Variants in TOP2B observed in about 807,000 individuals in gnomAD.
TOP2B encodes the protein DNA topoisomerase II beta.
Under a neutral mutation model 193.5 loss-of-function variants are expected in TOP2B, and 51 were observed. That is an observed-to-expected ratio of 0.26 (90% confidence interval 0.21 to 0.33). The LOEUF (loss-of-function observed/expected upper bound fraction) is 0.33. Among genes scored for constraint, TOP2B ranks in the 10% least tolerant of loss-of-function variants. The pLI is 1.00. For missense variants in TOP2B, 1,378 were observed against 1,909.3 expected (o/e 0.72, Z 5.19); for synonymous variants, 634 against 635.7 (o/e 1.00, Z 0.04).
rs758411041 is a variant in TOP2B at position 25,636,085 on chromosome 3, A to G, written c.703T>C (p.Tyr235His). 5 of 1,611,982 alleles carry G rather than the reference A, an allele frequency of 3.1e-6. No homozygotes were observed. The highest frequency in any genetic ancestry group is 4.2e-6 in the Non-Finnish European group (5 of 1,178,854). Residue 235 changes from tyrosine (Y) to histidine (H), a missense_variant, in exon 7 of 36, where the codon TAC becomes CAC. Coordinates refer to ENST00000264331, the MANE Select transcript of TOP2B (RefSeq NM_001330700.2). Reference sequence around the variant, plus strand: ...TCTGGTTGGAATGTTATGCATGTGTAATCTTCACCATCAAAATGTTTAATT... The same window carrying G: ...TCTGGTTGGAATGTTATGCATGTGTGATCTTCACCATCAAAATGTTTAATT... ...AKIKHFDGED[Y>H]TCITFQPDLS...
In TOP2B at chr3:25,664,528, G is replaced by A. The variant is rs2125417463; in HGVS notation, c.-231C>T. ...GAGGCGCGGCGTCCGCGTCGCCCGG[G>A]CCTAGCGCGGCGGCTGAGGAGAAAG... On this transcript the variant is annotated 5_prime_UTR_variant, in exon 1 of 36. Transcript: ENST00000264331. The A allele has an allele frequency of 2.6e-6, 3 of 1,146,278 alleles. No homozygotes were observed. The highest frequency in any genetic ancestry group is 3.2e-6 in the Non-Finnish European group (3 of 934,038). 71.0% of individuals were successfully genotyped at this position (1,146,278 alleles called of 1,614,324 possible).
intron 30 of TOP2B, among the ~76,000 whole-genome samples, chr3:25,608,594 G>C (rs904606401): frequency 6.6e-6 from 1 of 151,958 alleles, no homozygotes; most frequent in Non-Finnish European, 1.5e-5. Context: ...AATAAATTAG[G>C]ACAAATTTTC....
intron 34 of TOP2B, 92 bp downstream of exon 34, chr3:25,601,008 A>T (rs1159163604): frequency 7.3e-7 from 1 of 1,371,608 alleles, no homozygotes; most frequent in Non-Finnish European, 9.9e-7. Flanking sequence ...AACAAAATAG[A>T]TACCTAGCCT....
chr3:25,622,971 TTTCC>T (rs1702700266), intron 21 of TOP2B, among the ~76,000 whole-genome samples: 1 of 152,092 alleles, frequency 6.6e-6, no homozygotes, highest in Non-Finnish European at 1.5e-5. Context: ...AGAGATGGAG[TTTCC>T]CCATGTTGGT....
At chr3:25,657,160 T>C (rs956586624) in intron 1 of TOP2B, among the ~76,000 whole-genome samples, 1 of 152,218 alleles carries the variant, frequency 6.6e-6, no homozygotes, top group Non-Finnish European at 1.5e-5. Flanking sequence ...CTGAGACTTT[T>C]ATATGTTTTT....
At position 25,609,300 on chromosome 3, in the gene TOP2B, C is replaced by T. The variant is rs1365192265; in HGVS notation, c.3976G>A (p.Ala1326Thr). 4 of 1,599,340 alleles carry T rather than the reference C, an allele frequency of 2.5e-6. No individual in the cohort carries two copies. The East Asian group carries it at 6.7e-5, about 27-fold the overall frequency. Reference sequence around the variant, plus strand: ...GGATTCCGTTTCTTCACTTTCTTTGCACTAGGTTTACCAGATGATGTAGGT... The same window carrying T: ...GGATTCCGTTTCTTCACTTTCTTTGTACTAGGTTTACCAGATGATGTAGGT... ...KTPTSSGKPSAKKVKKRNPWS... is the reference protein window; with the variant it reads ...KTPTSSGKPSTKKVKKRNPWS... The change falls in exon 30 of 36, where the codon GCA becomes ACA. Residue 1326 changes from alanine (A) to threonine (T), a missense_variant. This residue lies in a region of TOP2B where 556 missense variants were observed against 584.2 expected (regional missense o/e 0.95). Coordinates refer to ENST00000264331, the MANE Select transcript of TOP2B (RefSeq NM_001330700.2).
At position 25,638,065 on chromosome 3, in the gene TOP2B, A is replaced by G; in HGVS notation, c.541+100T>C. 4.6e-6 allele frequency: 5 copies of G among 1,084,948 alleles called. No individual in the cohort carries two copies. In the Admixed American group the frequency reaches 8.9e-5, roughly 19 times the overall value. 67.2% of individuals were successfully genotyped at this position (1,084,948 alleles called of 1,614,324 possible). A position where few individuals can be genotyped will look rare whatever the true frequency, so the allele number is the denominator to read the frequency against. ...TAGTTTATAAATATTAATTCTGACA[A>G]TGATTTTCTCACACCAAAACTGCAC... On this transcript the variant is annotated intron_variant, in intron 5 of 35. Transcript: ENST00000264331.
At chr3:25,640,250 A>G (rs2125390653) in intron 4 of TOP2B, among the ~76,000 whole-genome samples, 1 of 152,322 alleles carries the variant, frequency 6.6e-6, no homozygotes. Context: ...GAAATACAAT[A>G]TACAAATCAG....
chr3:25,660,586 CA>C lies in TOP2B; in HGVS notation c.69+3642del, dbSNP rs367874012. Among the ~76,000 whole-genome samples the C allele has an allele frequency of 1.8e-4, 28 of 152,104 alleles. No individual in the cohort carries two copies. The East Asian group carries it at 4.8e-3, about 26-fold the overall frequency. On this transcript the variant is annotated intron_variant, in intron 1 of 35. Coordinates refer to ENST00000264331, the MANE Select transcript of TOP2B (RefSeq NM_001330700.2). ...AGGCAAATATGTAAAGACAAAGTGA[CA>C]AAAACAAGCCTAACTTGTGTAGGGG...
chr3:25,648,633 G>C (rs1253975464), intron 1 of TOP2B, among the ~76,000 whole-genome samples: 3 of 152,010 alleles, frequency 2.0e-5, no homozygotes, highest in African/African-American at 4.8e-5. Context: ...GAGGCAGGCA[G>C]ATCCCTTGAG....
chr3:25,638,523 T>A lies in TOP2B; in HGVS notation c.396-213A>T, dbSNP rs79662638. Among the ~76,000 whole-genome samples, 3,644 of 151,776 alleles carry A rather than the reference T, an allele frequency of 0.024. 138 individuals are homozygous for A. Among genetic ancestry groups the A allele is most frequent in the African/African-American group, 0.081 (3,369 of 41,360 alleles). Reference sequence around the variant, plus strand: ...ATTTCTTTCCCTGAGTCGTAACTAATAGAGAAGGATTATGAAGGAAATGAA... The same window carrying A: ...ATTTCTTTCCCTGAGTCGTAACTAAAAGAGAAGGATTATGAAGGAAATGAA... On this transcript the variant is annotated intron_variant, in intron 4 of 35. Coordinates refer to ENST00000264331, the MANE Select transcript of TOP2B (RefSeq NM_001330700.2).
intron 1 of TOP2B, among the ~76,000 whole-genome samples, chr3:25,653,973 A>G (rs1424555016): frequency 6.6e-6 from 1 of 152,220 alleles, no homozygotes; most frequent in Non-Finnish European, 1.5e-5. Context: ...AATAAAAGCA[A>G]TACACACAAA....
chr3:25,599,217 G>A (rs1209893754), intron 35 of TOP2B, among the ~76,000 whole-genome samples: 4 of 152,122 alleles, frequency 2.6e-5, no homozygotes, highest in South Asian at 4.1e-4. Context: ...TGAAATGGAA[G>A]GTTCTAAGTA....
intron 3 of TOP2B, among the ~76,000 whole-genome samples, chr3:25,643,178 C>A (rs1475708766): frequency 6.6e-6 from 1 of 152,074 alleles, no homozygotes; most frequent in African/African-American, 2.4e-5. Flanking sequence ...AAAATATTTC[C>A]AAAGTACAAG....
chr3:25,637,112 T>C, intron 6 of TOP2B, 103 bp downstream of exon 6: 1 of 797,890 alleles, frequency 1.3e-6, no homozygotes, highest in South Asian at 1.6e-5. Context: ...AAAAAAAAAA[T>C]GAAGTTATAC....
chr3:25,619,237 G>T (rs1702592617), intron 23 of TOP2B, among the ~76,000 whole-genome samples: 1 of 151,816 alleles, frequency 6.6e-6, no homozygotes, highest in South Asian at 2.1e-4. Context: ...CATATATTCT[G>T]TGTATACGCA....
chr3:25,627,300 C>T lies in TOP2B; in HGVS notation c.1907-4G>A. 1 of 1,544,840 alleles carries T rather than the reference C, an allele frequency of 6.5e-7. No homozygotes were observed. Among genetic ancestry groups the T allele is most frequent in the Non-Finnish European group, 8.7e-7 (1 of 1,145,616 alleles). ...TTAGCTGTACTAGTACCCAATCCTG[C>T]ACAATTTTAAAAATAAAAGTGAGTC... On this transcript the variant is annotated splice_region_variant and splice_polypyrimidine_tract_variant and intron_variant, in intron 15 of 35. Transcript: ENST00000264331.
In TOP2B at chr3:25,598,089, C is replaced by G. The variant is rs906949401; in HGVS notation, c.*218G>C. On this transcript the variant is annotated 3_prime_UTR_variant, in exon 36 of 36. Transcript: ENST00000264331. Reference sequence around the variant, plus strand: ...TAATGCACGGCAGTCTATAACAATTCTACAAGCCAATCAGACAGTACGTGA... The same window carrying G: ...TAATGCACGGCAGTCTATAACAATTGTACAAGCCAATCAGACAGTACGTGA... 1.6e-5 allele frequency: 6 copies of G among 383,788 alleles called. No homozygotes were observed. In the East Asian group the frequency reaches 2.6e-4, roughly 16 times the overall value. 23.8% of individuals were successfully genotyped at this position (383,788 alleles called of 1,614,324 possible).
chr3:25,626,439 G>A (rs10510569), intron 18 of TOP2B, 121 bp downstream of exon 18: 7,290 of 523,482 alleles, frequency 0.014, 382 homozygotes, highest in African/African-American at 0.12. Context: ...CTCTGAATAA[G>A]CTCTTCATAT....
Sources: allele counts gnomAD v4.1 joint callset (sites outside exome capture counted in the v4.1 genomes callset), GRCh38; gene constraint gnomAD v4.1.1; regional missense constraint gnomAD v4.1.1; transcripts MANE v1.5; gene names NCBI Gene and HGNC (gene_info 2026-07-23, HGNC 2026-07-21).